ATXN7L1: variants seen among roughly 807,000 people sequenced by gnomAD.
The protein encoded by ATXN7L1 is ataxin-7-like protein 1.
ATXN7L1 carries 15 observed loss-of-function variants against 70.8 expected under a neutral mutation model. The observed-to-expected ratio is 0.21, with a 90% CI of 0.14 to 0.33. ATXN7L1 has a LOEUF of 0.33. Among genes scored for constraint, ATXN7L1 ranks in the 10% least tolerant of loss-of-function variants. ATXN7L1 has a pLI of 1.00. For synonymous variants in ATXN7L1, 440 were observed against 445.1 expected, an observed-to-expected ratio of 0.99 and a Z score of 0.14; for missense variants, 975 against 1,097.1, an observed-to-expected ratio of 0.89 and a Z score of 1.57.
chr7:105,846,661 T>C (rs542689269), intron 2 of ATXN7L1, among the ~76,000 whole-genome samples: 1 of 152,284 alleles, frequency 6.6e-6, no homozygotes, highest in East Asian at 1.9e-4. Context: ...CTTATACACA[T>C]GCTCACAGCA....
In ATXN7L1 at chr7:105,642,979, T is replaced by C; in HGVS notation, c.721A>G (p.Ile241Val). ...SSSAVSTPPL[I>V]KPVLMSKSVP... ...GACTTGGACATCAGGACAGGCTTAATTAAAGGAGGGGTGGAGACGGCAGAG... is the reference window on the plus strand; with the variant it reads ...GACTTGGACATCAGGACAGGCTTAACTAAAGGAGGGGTGGAGACGGCAGAG... Residue 241 changes from isoleucine to valine, a missense_variant, in exon 5 of 12, where the codon ATT (isoleucine) becomes GTT (valine). Physicochemically the swap from Ile to Val is conservative, Grantham distance 29 (BLOSUM62 3). Coordinates refer to ENST00000419735, the MANE Select transcript of ATXN7L1 (RefSeq NM_020725.2). The C allele has an allele frequency of 6.4e-7, 1 of 1,551,742 alleles. No individual in the cohort carries two copies. Among genetic ancestry groups the C allele is most frequent in the African/African-American group, 1.4e-5 (1 of 73,136 alleles).
At chr7:105,625,320 G>A (rs1003083273) in intron 7 of ATXN7L1, among the ~76,000 whole-genome samples, 1 of 151,622 alleles carries the variant, frequency 6.6e-6, no homozygotes, top group Non-Finnish European at 1.5e-5. Context: ...GTGTGATCTC[G>A]GCTCACTGCA....
At chr7:105,843,846 T>TA (rs1346521795) in intron 2 of ATXN7L1, among the ~76,000 whole-genome samples, 5 of 152,326 alleles carry the variant, frequency 3.3e-5, no homozygotes, top group African/African-American at 1.2e-4. Flanking sequence ...CATTACTGTG[T>TA]AAAAAGCTAC....
intron 3 of ATXN7L1, among the ~76,000 whole-genome samples, chr7:105,718,059 TGGAAG>T (rs767264109): frequency 1.1e-4 from 17 of 152,166 alleles, no homozygotes; most frequent in Non-Finnish European, 1.9e-4. Context: ...GCAGAGGAAA[TGGAAG>T]GGGCAGTGAA....
chr7:105,716,018 G>A (rs1325455989), intron 3 of ATXN7L1, among the ~76,000 whole-genome samples: 1 of 152,004 alleles, frequency 6.6e-6, no homozygotes, highest in East Asian at 1.9e-4. Flanking sequence ...CGGGGGGGAT[G>A]GGAAGAGAAA....
intron 3 of ATXN7L1, among the ~76,000 whole-genome samples, chr7:105,718,422 T>C (rs2116292195): frequency 6.6e-6 from 1 of 152,302 alleles, no homozygotes; most frequent in Non-Finnish European, 1.5e-5. Flanking sequence ...CACTTCCACC[T>C]TCAGGATGGG....
chr7:105,622,402 G>A (rs1252675514), intron 8 of ATXN7L1, among the ~76,000 whole-genome samples: 1 of 152,204 alleles, frequency 6.6e-6, no homozygotes, highest in Non-Finnish European at 1.5e-5. Context: ...ATTCCGTACA[G>A]ATGCGAGGCT....
chr7:105,649,711 G>A (rs774860602), intron 4 of ATXN7L1, among the ~76,000 whole-genome samples: 3 of 152,220 alleles, frequency 2.0e-5, no homozygotes, highest in Non-Finnish European at 2.9e-5. Context: ...TAAGAGAATG[G>A]TTCTGAATGT....
chr7:105,839,555 C>T (rs1185547145), intron 2 of ATXN7L1, among the ~76,000 whole-genome samples: 1 of 152,182 alleles, frequency 6.6e-6, no homozygotes, highest in Admixed American at 6.5e-5. Flanking sequence ...ACAGTTAGAG[C>T]ACAAGGTGAG....
chr7:105,645,673 C>T (rs908835833), intron 4 of ATXN7L1, among the ~76,000 whole-genome samples: 20 of 149,052 alleles, frequency 1.3e-4, no homozygotes, highest in Admixed American at 3.3e-4. Flanking sequence ...ATTAGCCAGG[C>T]GTGGCAGCGG....
chr7:105,610,625 C>T, intron 10 of ATXN7L1, 22 bp from the exon 11 acceptor site: 1 of 1,549,110 alleles, frequency 6.5e-7, no homozygotes, highest in South Asian at 1.2e-5. Flanking sequence ...CATTGAAGCC[C>T]CACTCAGACA....
intron 2 of ATXN7L1, among the ~76,000 whole-genome samples, chr7:105,859,515 C>G (rs879039687): frequency 1.3e-5 from 2 of 151,946 alleles, no homozygotes; most frequent in Admixed American, 1.3e-4. Flanking sequence ...TTTACTGTAC[C>G]TTTTCTATGT....
rs539719315 is a variant in ATXN7L1 at position 105,841,296 on chromosome 7, G to C, written c.250+34516C>G. Among the ~76,000 whole-genome samples the C allele has an allele frequency of 4.6e-5, 7 of 152,234 alleles. No individual in the cohort carries two copies. The East Asian group carries it at 7.7e-4, about 17-fold the overall frequency. The stretch of plus-strand genomic sequence containing the variant: ...AGCCTCTCACTGGCTGCCTCACCTT[G>C]GACAAGTACTCTGTTTCCTTGTGCC... On this transcript the variant is annotated intron_variant, in intron 2 of 11. Transcript: ENST00000419735.
In ATXN7L1 at chr7:105,644,690, T is replaced by G. The variant is rs149374997; in HGVS notation, c.579-1569A>C. Among the ~76,000 whole-genome samples, 110 of 152,372 alleles carry G rather than the reference T, an allele frequency of 7.2e-4. 1 individual carries two copies. The highest frequency in any genetic ancestry group is 2.5e-3 in the African/African-American group (104 of 41,596). On this transcript the variant is annotated intron_variant, in intron 4 of 11. Coordinates refer to ENST00000419735, the MANE Select transcript of ATXN7L1 (RefSeq NM_020725.2). ...AGGTATTACCTGGTGAAATTAGTGC[T>G]GCATTCCTGATTTTTCCCAAATGAT...
Position 105,614,945 on chromosome 7 carries a change from G to T in ATXN7L1, c.1518-129C>A. ...GCAGAACCAGACTATGGAGAATGGAGCCTTGAAGGATGGGAGAATCTGAAG... is the reference window on the plus strand; with the variant it reads ...GCAGAACCAGACTATGGAGAATGGATCCTTGAAGGATGGGAGAATCTGAAG... On this transcript the variant is annotated intron_variant, in intron 9 of 11. Transcript: ENST00000419735. This position sits in a 1 kb window ranked among gnomAD's most constrained non-coding sequence, Gnocchi z 4.3. The T allele has an allele frequency of 8.9e-7, 1 of 1,119,968 alleles. No homozygotes were observed. The highest frequency in any genetic ancestry group is 1.2e-6 in the Non-Finnish European group (1 of 811,014). The allele number at this position is 1,119,968 out of a possible 1,614,324, so 69.4% of individuals were successfully genotyped here.
chr7:105,695,993 T>C (rs1791654067), intron 3 of ATXN7L1, among the ~76,000 whole-genome samples: 1 of 152,086 alleles, frequency 6.6e-6, no homozygotes, highest in South Asian at 2.1e-4. Context: ...ATCAAAGATA[T>C]TGAATGTAGA....
chr7:105,797,060 G>C lies in ATXN7L1; in HGVS notation c.251-8352C>G, dbSNP rs1806097632. On this transcript the variant is annotated intron_variant, in intron 2 of 11. Coordinates refer to ENST00000419735, the MANE Select transcript of ATXN7L1 (RefSeq NM_020725.2). Reference sequence around the variant, plus strand: ...AAGGGAAAATGAAGGAAGAGAACTAGAAAAGCAAGCAGCAGCGGTGAGCTC... The same window carrying C: ...AAGGGAAAATGAAGGAAGAGAACTACAAAAGCAAGCAGCAGCGGTGAGCTC... Among the ~76,000 whole-genome samples, 4 of 152,226 alleles carry C rather than the reference G, an allele frequency of 2.6e-5. No individual in the cohort carries two copies. The South Asian group carries it at 8.3e-4, about 31-fold the overall frequency.
At chr7:105,862,047 G>A (rs1284324250) in intron 2 of ATXN7L1, among the ~76,000 whole-genome samples, 2 of 152,308 alleles carry the variant, frequency 1.3e-5, no homozygotes, top group East Asian at 3.9e-4. Context: ...ATGATGGAAG[G>A]AGTAACTCAA....
intron 3 of ATXN7L1, among the ~76,000 whole-genome samples, chr7:105,763,299 C>A (rs1453101384): frequency 6.6e-6 from 1 of 152,336 alleles, no homozygotes; most frequent in Middle Eastern, 3.4e-3. Flanking sequence ...ACTGACCCAT[C>A]CCTCTGTGTC....
Sources: gnomAD v4.1 joint callset for allele counts (sites outside exome capture counted in the v4.1 genomes callset) on GRCh38, gnomAD v4.1.1 for gene constraint, Gnocchi (gnomAD v3.1) non-coding constraint, MANE v1.5 for transcripts, NCBI Gene and HGNC (gene_info 2026-07-23, HGNC 2026-07-21) for gene names.